The following GRAMD1A variants were observed in gnomAD, a reference collection of about 807,000 sequenced individuals.
The protein encoded by GRAMD1A is protein Aster-A.
In GRAMD1A, 50 loss-of-function variants were observed where a neutral mutation model predicts 92.0. The observed-to-expected ratio is 0.54, with a 90% CI of 0.43 to 0.69. The LOEUF (loss-of-function observed/expected upper bound fraction) is 0.69. Among genes scored for constraint, GRAMD1A ranks in the 30% least tolerant of loss-of-function variants. The pLI is 0.00. For synonymous variants in GRAMD1A, 405 were observed against 403.6 expected (o/e 1.00, Z -0.04); for missense variants, 819 against 978.9 (o/e 0.84, Z 2.18).
upstream of GRAMD1A, among the ~76,000 whole-genome samples, chr19:34,995,599 T>A (rs2014005916): frequency 7.2e-6 from 1 of 138,144 alleles, no homozygotes; most frequent in East Asian, 2.3e-4. Context: ...TTTTTTTTTC[T>A]GAGACAGGGT....
chr19:35,008,347 A>G (rs1439280347), intron 1 of GRAMD1A, among the ~76,000 whole-genome samples: 2 of 150,258 alleles, frequency 1.3e-5, no homozygotes, highest in African/African-American at 5.0e-5. Flanking sequence ...AAATAAAATA[A>G]AACAGCAGGT....
upstream of GRAMD1A, chr19:34,996,242 C>A (rs995118423): frequency 1.3e-6 from 2 of 1,535,542 alleles, no homozygotes; most frequent in South Asian, 1.2e-5. Context: ...AACCCCCCGA[C>A]GCCGGCAGCA....
At position 35,024,429 on chromosome 19, in the gene GRAMD1A, G is replaced by A. The variant is rs148758757; in HGVS notation, c.2082+882G>A. ...CAGCAGTTGCGGTGGGTCAGAGCAA[G>A]TGTCAGGCCAGCAGTTGCGGTGGGT... On this transcript the variant is annotated intron_variant, in intron 19 of 19. Coordinates refer to ENST00000317991, the MANE Select transcript of GRAMD1A (RefSeq NM_020895.5). Among the ~76,000 whole-genome samples, 5 of 148,812 alleles carry A rather than the reference G, an allele frequency of 3.4e-5. No homozygotes were observed. The East Asian group carries it at 9.6e-4, about 29-fold the overall frequency.
chr19:35,007,461 G>A (rs550962405), intron 1 of GRAMD1A, among the ~76,000 whole-genome samples: 5 of 152,174 alleles, frequency 3.3e-5, no homozygotes, highest in Non-Finnish European at 4.4e-5. Flanking sequence ...GGGAGGCTGG[G>A]GCGGAAGAAT....
chr19:35,009,546 G>A (rs2015069835), intron 3 of GRAMD1A, 103 bp downstream of exon 3: 2 of 1,204,208 alleles, frequency 1.7e-6, no homozygotes, highest in South Asian at 2.4e-5. Context: ...GAGATGGAGT[G>A]GGTGCAGACC....
upstream of GRAMD1A, chr19:34,995,924 G>C: frequency 9.6e-7 from 1 of 1,037,054 alleles, no homozygotes; most frequent in Non-Finnish European, 1.4e-6. Context: ...TCTTAGTGGA[G>C]CCACGGGGGA....
At chr19:34,995,286 T>C (rs1477355877) in intron 1 of GRAMD1A, among the ~76,000 whole-genome samples, 3 of 152,290 alleles carry the variant, frequency 2.0e-5, no homozygotes, top group Admixed American at 1.3e-4. Context: ...CACCCAGGGC[T>C]TTCCGAAAAA....
At chr19:35,008,864 G>T (rs1177402917) in intron 1 of GRAMD1A, among the ~76,000 whole-genome samples, 1 of 152,166 alleles carries the variant, frequency 6.6e-6, no homozygotes, top group African/African-American at 2.4e-5. Context: ...TGCTTTACAT[G>T]TCCTGATTTG....
chr19:35,007,270 G>C (rs1021715793), intron 1 of GRAMD1A, among the ~76,000 whole-genome samples: 3 of 152,172 alleles, frequency 2.0e-5, no homozygotes, highest in Admixed American at 2.0e-4. Flanking sequence ...AAAAATAACG[G>C]ATGCTGGGTG....
chr19:35,024,369 CACG>C (rs1218371470), intron 19 of GRAMD1A, among the ~76,000 whole-genome samples: 1 of 152,174 alleles, frequency 6.6e-6, no homozygotes, highest in Non-Finnish European at 1.5e-5. Flanking sequence ...GATGTCATCA[CACG>C]ACAATTCCCT....
chr19:35,021,978 C>T lies in GRAMD1A; in HGVS notation c.1781C>T (p.Pro594Leu). The change falls in exon 16 of 20, where the codon CCA becomes CTA. Residue 594 changes from proline to leucine, a missense_variant. Transcript: ENST00000317991. The surrounding 1 kb of genome is among the most constrained non-coding windows in gnomAD (Gnocchi z 5.3). ...TCCCTCAGCTCCCGCTTCTCCGAAC[C>T]ATCTGTGGACCAGGGCCCCGGGGCA... is the stretch of plus-strand genomic sequence containing the variant. ...SGSLSSRFSE[P>L]SVDQGPGAGI... is the part of the protein sequence containing the mutation. The T allele has an allele frequency of 6.2e-7, 1 of 1,614,154 alleles. No homozygotes were observed. Among genetic ancestry groups the T allele is most frequent in the Non-Finnish European group, 8.5e-7 (1 of 1,180,018 alleles).
rs745592354 is a variant in GRAMD1A, at chr19:35,015,899, G to A, written c.1145G>A (p.Arg382Gln). ...TCTGTCTTCCATGTGGGCGCTGAGC[G>A]GCTCCAGCAGATGCTCTTCTCGGAC... ...INSVFHVGAE[R>Q]LQQMLFSDSP... The change falls in exon 11 of 20, where the codon CGG becomes CAG. Residue 382 changes from arginine to glutamine, a missense_variant. Transcript: ENST00000317991. 9 of 1,613,950 alleles carry A rather than the reference G, an allele frequency of 5.6e-6. No homozygotes were observed. Among genetic ancestry groups the A allele is most frequent in the Middle Eastern group, 1.6e-4 (1 of 6,084 alleles).
At chr19:35,012,544 C>T (rs1033444082) in intron 7 of GRAMD1A, among the ~76,000 whole-genome samples, 3 of 152,244 alleles carry the variant, frequency 2.0e-5, no homozygotes, top group Non-Finnish European at 2.9e-5. Flanking sequence ...CGGGGGGCCA[C>T]GATGGCATAG....
rs1344075446 is a variant in GRAMD1A at position 35,000,336 on chromosome 19, G to A, written c.-143G>A. 9.4e-7 allele frequency: 1 copy of A among 1,069,314 alleles called. No individual in the cohort carries two copies. The highest frequency in any genetic ancestry group is 1.1e-6 in the Non-Finnish European group (1 of 885,704). The allele number at this position is 1,069,314 out of a possible 1,614,324, so 66.2% of individuals were successfully genotyped here. A position where few individuals can be genotyped will look rare whatever the true frequency, so the allele number is the denominator to read the frequency against. On this transcript the variant is annotated 5_prime_UTR_variant, in exon 1 of 20. Coordinates refer to ENST00000317991, the MANE Select transcript of GRAMD1A (RefSeq NM_020895.5). This position sits in a 1 kb window ranked among gnomAD's most constrained non-coding sequence, Gnocchi z 4.9. ...GGCGGCTCCGGCCTTTTGTGCGGGCGGTTGGGTCGGGTGGGGGCGGCGGCC... is the reference window on the plus strand; with the variant it reads ...GGCGGCTCCGGCCTTTTGTGCGGGCAGTTGGGTCGGGTGGGGGCGGCGGCC...
intron 1 of GRAMD1A, among the ~76,000 whole-genome samples, chr19:35,007,485 G>C (rs1049492605): frequency 1.3e-5 from 2 of 152,188 alleles, no homozygotes; most frequent in Non-Finnish European, 2.9e-5. Context: ...TTGAACCTGG[G>C]AGGTGGAGGT....
intron 1 of GRAMD1A, among the ~76,000 whole-genome samples, chr19:35,004,552 A>G (rs572213714): frequency 6.6e-6 from 1 of 152,170 alleles, no homozygotes; most frequent in Non-Finnish European, 1.5e-5. Flanking sequence ...CTGACGGTCT[A>G]TGTTTCCCTG....
In GRAMD1A at chr19:35,013,069, C is replaced by T. The variant is rs139653919; in HGVS notation, c.607-187C>T. 7.2e-5 allele frequency: 41 copies of T among 566,712 alleles called. No homozygotes were observed. The highest frequency in any genetic ancestry group is 5.2e-4 in the African/African-American group (28 of 53,588). 35.1% of individuals were successfully genotyped at this position (566,712 alleles called of 1,614,324 possible). On this transcript the variant is annotated intron_variant, in intron 7 of 19. Transcript: ENST00000317991. This position sits in a 1 kb window ranked among gnomAD's most constrained non-coding sequence, Gnocchi z 4.9. ...GGAAGCAGGAAGTTTGAGTCCTGGG[C>T]GCAGGCCCTGGAGGGGCTGTAGCAG...
intron 7 of GRAMD1A, among the ~76,000 whole-genome samples, chr19:35,012,835 C>T (rs1223147605): frequency 4.6e-5 from 7 of 152,152 alleles, no homozygotes; most frequent in East Asian, 1.9e-4. Flanking sequence ...ATTAGCTGGG[C>T]GTGGTAGCAC....
chr19:35,013,365 TG>T lies in GRAMD1A; in HGVS notation c.719+1del. 2 of 1,548,746 alleles carry T rather than the reference TG, an allele frequency of 1.3e-6. No individual in the cohort carries two copies. Among genetic ancestry groups the T allele is most frequent in the Non-Finnish European group, 1.8e-6 (2 of 1,140,190 alleles). ...DYVSPLQLNG[L>X]GTPKEVGDVI... is the part of the protein sequence containing the mutation. ...GTCTCCCCCTTGCAGCTGAACGGTCTGGGGTGAGTTGGAGGTCAAAGGAGGT... is the reference window on the plus strand; with the variant it reads ...GTCTCCCCCTTGCAGCTGAACGGTCTGGGTGAGTTGGAGGTCAAAGGAGGT... On this transcript the variant is annotated frameshift_variant and splice_region_variant, in exon 8 of 20. Transcript: ENST00000317991. LOFTEE classifies it high-confidence loss of function. This position sits in a 1 kb window ranked among gnomAD's most constrained non-coding sequence, Gnocchi z 4.9.
Sources: gnomAD v4.1 joint callset for allele counts (sites outside exome capture counted in the v4.1 genomes callset) on GRCh38, gnomAD v4.1.1 for gene constraint, Gnocchi (gnomAD v3.1) non-coding constraint, MANE v1.5 for transcripts, NCBI Gene and HGNC (gene_info 2026-07-23, HGNC 2026-07-21) for gene names.